The following TMEM108 variants were observed in gnomAD, a reference collection of about 807,000 sequenced individuals.
TMEM108 encodes cancer/testis antigen 124.
In TMEM108, 12 loss-of-function variants were observed where a neutral mutation model predicts 35.1. That is an observed-to-expected ratio of 0.34 (90% confidence interval 0.22 to 0.55). The LOEUF (loss-of-function observed/expected upper bound fraction) is 0.55, where lower values mean the gene tolerates loss of function less well. Among genes scored for constraint, TMEM108 ranks in the 20% least tolerant of loss-of-function variants. The pLI is 0.89. For synonymous variants in TMEM108, 287 were observed against 308.6 expected, an observed-to-expected ratio of 0.93 and a Z score of 0.73; for missense variants, 680 against 753.3, an observed-to-expected ratio of 0.90 and a Z score of 1.14.
At chr3:133,091,492 A>T (rs1179053914) in intron 2 of TMEM108, among the ~76,000 whole-genome samples, 4 of 152,204 alleles carry the variant, frequency 2.6e-5, no homozygotes, top group Non-Finnish European at 5.9e-5. Context: ...TTTATTGATT[A>T]TGATGCATAA....
chr3:133,386,293 A>G lies in TMEM108; in HGVS notation c.1451-3887A>G, dbSNP rs78490638. 3.0e-3 allele frequency: 3,059 copies of G among 1,019,900 alleles called. 61 individuals are homozygous for G. The African/African-American group carries it at 0.042, about 14-fold the overall frequency. 63.2% of individuals were successfully genotyped at this position (1,019,900 alleles called of 1,614,324 possible). A position where few individuals can be genotyped will look rare whatever the true frequency, so the allele number is the denominator to read the frequency against. Reference sequence around the variant, plus strand: ...TGGCAGTGATCAAACAGTGATGATTATTCATCTTATTGTTTTTAAGATTTG... The same window carrying G: ...TGGCAGTGATCAAACAGTGATGATTGTTCATCTTATTGTTTTTAAGATTTG... On this transcript the variant is annotated intron_variant, in intron 4 of 5. Coordinates refer to ENST00000321871, the MANE Select transcript of TMEM108 (RefSeq NM_023943.4).
chr3:133,322,498 C>A (rs2071278870), intron 3 of TMEM108, among the ~76,000 whole-genome samples: 1 of 151,930 alleles, frequency 6.6e-6, no homozygotes, highest in African/African-American at 2.4e-5. Context: ...CTGAACGGAC[C>A]AATAACAAAT....
chr3:133,099,588 C>T (rs1041160634), intron 2 of TMEM108, among the ~76,000 whole-genome samples: 2 of 152,188 alleles, frequency 1.3e-5, no homozygotes, highest in Non-Finnish European at 2.9e-5. Flanking sequence ...CTTAATAGCA[C>T]CCAAGTCACC....
intron 2 of TMEM108, among the ~76,000 whole-genome samples, chr3:133,214,199 C>G (rs1251975702): frequency 6.6e-6 from 1 of 152,142 alleles, no homozygotes; most frequent in African/African-American, 2.4e-5. Context: ...TAGTACCATT[C>G]TTACCCCTAT....
chr3:133,231,660 G>T (rs1433707544), intron 3 of TMEM108, among the ~76,000 whole-genome samples: 1 of 152,076 alleles, frequency 6.6e-6, no homozygotes, highest in Non-Finnish European at 1.5e-5. Flanking sequence ...AGGGGAAGAG[G>T]AATTAGGCTT....
At chr3:133,376,541 A>G (rs1388505594) in intron 3 of TMEM108, among the ~76,000 whole-genome samples, 1 of 152,114 alleles carries the variant, frequency 6.6e-6, no homozygotes, top group East Asian at 1.9e-4. Context: ...GCTAATGGAG[A>G]CCTGGCGTCA....
chr3:133,386,034 G>A (rs1425504810), intron 4 of TMEM108, among the ~76,000 whole-genome samples: 1 of 152,242 alleles, frequency 6.6e-6, no homozygotes, highest in African/African-American at 2.4e-5. Context: ...TCAGTAGGAA[G>A]AGTCTTAGAC....
chr3:133,252,859 A>G (rs1946490802), intron 3 of TMEM108, among the ~76,000 whole-genome samples: 1 of 152,150 alleles, frequency 6.6e-6, no homozygotes, highest in African/African-American at 2.4e-5. Context: ...CAGTTGATTG[A>G]ATGTGCAGAT....
chr3:133,356,551 C>G (rs78109105), intron 3 of TMEM108, among the ~76,000 whole-genome samples: 3 of 152,160 alleles, frequency 2.0e-5, no homozygotes, highest in Non-Finnish European at 4.4e-5. Flanking sequence ...CTGGAGACAT[C>G]ACATTACCAA....
At chr3:133,201,350 A>G (rs1486101004) in intron 2 of TMEM108, among the ~76,000 whole-genome samples, 1 of 152,032 alleles carries the variant, frequency 6.6e-6, no homozygotes, top group Non-Finnish European at 1.5e-5. Flanking sequence ...CAGAATGTGC[A>G]GGTTTGTTAC....
At chr3:133,194,972 A>C (rs1945556046) in intron 2 of TMEM108, among the ~76,000 whole-genome samples, 1 of 152,216 alleles carries the variant, frequency 6.6e-6, no homozygotes, top group South Asian at 2.1e-4. Flanking sequence ...TGACTATTTA[A>C]ACATCCATTA....
intron 3 of TMEM108, 64 bp from the exon 4 acceptor site, chr3:133,379,688 G>A: frequency 6.6e-7 from 1 of 1,526,638 alleles, no homozygotes; most frequent in Non-Finnish European, 8.9e-7. Context: ...CCACAGGTAA[G>A]AAAGGCCCAG....
intron 2 of TMEM108, among the ~76,000 whole-genome samples, chr3:133,099,841 G>A (rs977783394): frequency 6.6e-6 from 1 of 152,172 alleles, no homozygotes; most frequent in Admixed American, 6.5e-5. Flanking sequence ...CATTCAACAA[G>A]TCTCTAGGAG....
intron 2 of TMEM108, chr3:133,074,449 A>C (rs1411358803): frequency 6.6e-6 from 1 of 152,196 alleles, no homozygotes; most frequent in Non-Finnish European, 1.5e-5. Context: ...GAACACTTAC[A>C]GTAGCCTACG....
At chr3:133,264,615 A>G (rs1340450514) in intron 3 of TMEM108, among the ~76,000 whole-genome samples, 1 of 152,198 alleles carries the variant, frequency 6.6e-6, no homozygotes, top group African/African-American at 2.4e-5. Flanking sequence ...TTCATCACAC[A>G]CAAAAAAAAG....
At chr3:133,192,342 G>T (rs1339921366) in intron 2 of TMEM108, among the ~76,000 whole-genome samples, 1 of 152,188 alleles carries the variant, frequency 6.6e-6, no homozygotes, top group Admixed American at 6.5e-5. Flanking sequence ...CTGAGGAGTT[G>T]TCCAGCAGGC....
intron 3 of TMEM108, among the ~76,000 whole-genome samples, chr3:133,352,001 C>A (rs2072015987): frequency 6.6e-6 from 1 of 152,120 alleles, no homozygotes; most frequent in South Asian, 2.1e-4. Context: ...ACACACATAA[C>A]CCTAGAATAC....
At chr3:133,270,863 A>C (rs768942603) in intron 3 of TMEM108, among the ~76,000 whole-genome samples, 1 of 151,798 alleles carries the variant, frequency 6.6e-6, no homozygotes, top group Non-Finnish European at 1.5e-5. Flanking sequence ...CTCCAGGCTC[A>C]CTAAAGCAAC....
intron 2 of TMEM108, among the ~76,000 whole-genome samples, chr3:133,214,750 C>T (rs1264748598): frequency 6.6e-6 from 1 of 152,178 alleles, no homozygotes. Flanking sequence ...AGGAGGTGAG[C>T]TGCAGGTGAG....
Sources: gnomAD v4.1 joint callset for allele counts (sites outside exome capture counted in the v4.1 genomes callset) on GRCh38, gnomAD v4.1.1 for gene constraint, MANE v1.5 for transcripts, NCBI Gene and HGNC (gene_info 2026-07-23, HGNC 2026-07-21) for gene names.